JAZF1: variants seen among roughly 807,000 people sequenced by gnomAD.
The protein encoded by JAZF1 is JAZF zinc finger 1, also known as juxtaposed with another zinc finger protein 1.
In JAZF1, 8 loss-of-function variants were observed where a neutral mutation model predicts 26.4. The ratio of observed to expected loss-of-function variants is 0.30; its 90% CI spans 0.18 to 0.55. The LOEUF (loss-of-function observed/expected upper bound fraction) is 0.55, where lower values mean the gene tolerates loss of function less well. Among genes scored for constraint, JAZF1 ranks in the 20% least tolerant of loss-of-function variants. The probability of loss-of-function intolerance (pLI) is 0.94; values close to 1 mark genes in which losing one functional copy is unlikely to be tolerated. For missense variants in JAZF1, 199 were observed against 322.0 expected, an observed-to-expected ratio of 0.62 and a Z score of 2.92; for synonymous variants, 126 against 122.3, an observed-to-expected ratio of 1.03 and a Z score of -0.20.
chr7:27,846,482 T>G (rs751660191), intron 3 of JAZF1: 1 of 471,022 alleles, frequency 2.1e-6, no homozygotes, highest in South Asian at 1.5e-5. Context: ...TTTCCAATTC[T>G]TGTCTGCTGT....
chr7:27,934,008 T>C (rs182875932), intron 2 of JAZF1, among the ~76,000 whole-genome samples: 1 of 152,338 alleles, frequency 6.6e-6, no homozygotes, highest in Admixed American at 6.5e-5. Flanking sequence ...CACTTCCATT[T>C]AGGAAGTCAA....
At chr7:27,859,511 C>G (rs907758764) in intron 3 of JAZF1, among the ~76,000 whole-genome samples, 1 of 152,214 alleles carries the variant, frequency 6.6e-6, no homozygotes, top group East Asian at 1.9e-4. Flanking sequence ...AAATGTGGCA[C>G]ATATACACCA....
intron 1 of JAZF1, among the ~76,000 whole-genome samples, chr7:28,068,752 G>A (rs1459465805): frequency 1.3e-5 from 2 of 152,156 alleles, no homozygotes; most frequent in African/African-American, 2.4e-5. Flanking sequence ...ACGAGTCACT[G>A]GTAAACAATG....
intron 2 of JAZF1, among the ~76,000 whole-genome samples, 200 bp from the exon 3 acceptor site, chr7:27,895,616 A>C (rs1784050021): frequency 6.6e-6 from 1 of 152,128 alleles, no homozygotes; most frequent in South Asian, 2.1e-4. Flanking sequence ...AAGGTTTCTC[A>C]AAGTCAGGTC....
chr7:27,957,367 T>A (rs996955540), intron 2 of JAZF1, among the ~76,000 whole-genome samples: 1 of 152,216 alleles, frequency 6.6e-6, no homozygotes, highest in African/African-American at 2.4e-5. Context: ...ACATAAGGGA[T>A]GATGTATGTT....
chr7:27,906,438 T>C (rs1043732325), intron 2 of JAZF1, among the ~76,000 whole-genome samples: 2 of 152,214 alleles, frequency 1.3e-5, no homozygotes, highest in South Asian at 2.1e-4. Flanking sequence ...GCTGAGCCAT[T>C]GAAATAACAA....
intron 2 of JAZF1, among the ~76,000 whole-genome samples, chr7:27,972,373 C>G (rs549561417): frequency 9.2e-5 from 14 of 152,312 alleles, no homozygotes; most frequent in African/African-American, 3.4e-4. Context: ...AGACTTGGAG[C>G]AGGCCTGAGC....
At chr7:28,052,809 T>C (rs971688774) in intron 1 of JAZF1, among the ~76,000 whole-genome samples, 1 of 148,064 alleles carries the variant, frequency 6.8e-6, no homozygotes, top group Non-Finnish European at 1.5e-5. Context: ...GCGACAAGTA[T>C]GGATACTGGC....
At chr7:27,991,152 C>G (rs1785894601) in intron 2 of JAZF1, among the ~76,000 whole-genome samples, 1 of 152,160 alleles carries the variant, frequency 6.6e-6, no homozygotes, top group Non-Finnish European at 1.5e-5. Context: ...CACTCCTCAC[C>G]TTCTATAAAA....
intron 1 of JAZF1, among the ~76,000 whole-genome samples, chr7:27,997,324 G>A (rs1786037398): frequency 6.6e-6 from 1 of 152,116 alleles, no homozygotes; most frequent in African/African-American, 2.4e-5. Context: ...GGAGAGGGGA[G>A]AGCGCAGGGC....
intron 1 of JAZF1, among the ~76,000 whole-genome samples, chr7:28,126,162 A>G (rs1273883848): frequency 6.6e-6 from 1 of 152,078 alleles, no homozygotes; most frequent in African/African-American, 2.4e-5. Flanking sequence ...CATCCCCCAA[A>G]GCTACCCTAG....
intron 3 of JAZF1, among the ~76,000 whole-genome samples, chr7:27,853,743 T>C (rs1313616431): frequency 2.7e-5 from 4 of 149,610 alleles, no homozygotes; most frequent in Admixed American, 1.3e-4. Flanking sequence ...GAGAGACAGT[T>C]TGTTGTGATT....
intron 2 of JAZF1, among the ~76,000 whole-genome samples, chr7:27,955,417 C>T (rs546540806): frequency 6.6e-6 from 1 of 152,328 alleles, no homozygotes; most frequent in African/African-American, 2.4e-5. Flanking sequence ...TAAACACTTA[C>T]CGTACTGAAG....
At chr7:28,155,952 T>C (rs1783178425) in intron 1 of JAZF1, among the ~76,000 whole-genome samples, 1 of 152,198 alleles carries the variant, frequency 6.6e-6, no homozygotes, top group Non-Finnish European at 1.5e-5. Context: ...TGATAAGGTG[T>C]CTATGAGGTT....
chr7:28,180,359 T>A, intron 1 of JAZF1, 104 bp downstream of exon 1: 9 of 403,082 alleles, frequency 2.2e-5, no homozygotes, highest in Non-Finnish European at 3.6e-5. Flanking sequence ...CTCCCCGCCC[T>A]GCCGCCTCCC....
chr7:28,083,700 G>T (rs1312766812), intron 1 of JAZF1, among the ~76,000 whole-genome samples: 1 of 151,996 alleles, frequency 6.6e-6, no homozygotes, highest in South Asian at 2.1e-4. Context: ...TAACCCACAG[G>T]CCATCAGATA....
intron 2 of JAZF1, among the ~76,000 whole-genome samples, chr7:27,909,034 G>A (rs78273051): frequency 0.047 from 4,845 of 103,044 alleles, 281 homozygotes; most frequent in African/African-American, 0.16. Context: ...TTCAGAGGCA[G>A]AATCTCGCTG....
At chr7:27,978,710 A>G (rs1364733861) in intron 2 of JAZF1, among the ~76,000 whole-genome samples, 1 of 152,206 alleles carries the variant, frequency 6.6e-6, no homozygotes, top group Non-Finnish European at 1.5e-5. Context: ...ACATATGAGA[A>G]TTATATTACT....
intron 2 of JAZF1, among the ~76,000 whole-genome samples, chr7:27,975,171 C>T (rs1785448582): frequency 6.6e-6 from 1 of 152,114 alleles, no homozygotes; most frequent in Admixed American, 6.5e-5. Flanking sequence ...AGGCGTGAGT[C>T]ACCGCGTCGG....
Sources: allele counts gnomAD v4.1 joint callset (sites outside exome capture counted in the v4.1 genomes callset), GRCh38; gene constraint gnomAD v4.1.1; transcripts MANE v1.5; gene names NCBI Gene and HGNC (gene_info 2026-07-23, HGNC 2026-07-21).